Variants in ITFG2 observed in about 807,000 individuals in gnomAD.
The protein encoded by ITFG2 is integrin alpha FG-GAP repeat containing 2.
In ITFG2, 36 loss-of-function variants were observed where a neutral mutation model predicts 54.4. The ratio of observed to expected loss-of-function variants is 0.66; its 90% confidence interval spans 0.51 to 0.87. The LOEUF (loss-of-function observed/expected upper bound fraction) is 0.87, where lower values mean the gene tolerates loss of function less well. ITFG2 is among the 40% of genes least tolerant of loss of function. The pLI, the probability that ITFG2 is intolerant of heterozygous loss-of-function variation, is 0.00. For missense variants in ITFG2, 524 were observed against 576.7 expected, an observed-to-expected ratio of 0.91 and a Z score of 0.94; for synonymous variants, 211 against 225.4, an observed-to-expected ratio of 0.94 and a Z score of 0.57.
chr12:2,827,251 A>C (rs775679347), downstream of ITFG2: 34 of 1,614,016 alleles, frequency 2.1e-5, no homozygotes, highest in Non-Finnish European at 2.9e-5. This position sits in a 1 kb window ranked among gnomAD's most constrained non-coding sequence, Gnocchi z 4.0. Context: ...GGTAGCTCTG[A>C]GAACGGGGCT....
chr12:2,821,895 C>A, intron 9 of ITFG2, 103 bp downstream of exon 9: 2 of 824,826 alleles, frequency 2.4e-6, no homozygotes, highest in Middle Eastern at 2.7e-4. Flanking sequence ...GAACTCCCAA[C>A]CTTTATCTTT....
intron 2 of ITFG2, chr12:2,830,727 G>A: frequency 6.2e-7 from 1 of 1,612,912 alleles, no homozygotes; most frequent in Non-Finnish European, 8.5e-7. Flanking sequence ...GACCAGAAGA[G>A]CTGGAATCTC....
intron 1 of ITFG2, among the ~76,000 whole-genome samples, chr12:2,816,534 T>G (rs2097922187): frequency 6.6e-6 from 1 of 151,998 alleles, no homozygotes. Flanking sequence ...TTTCACTGTG[T>G]TAGCTAGGAT....
chr12:2,829,892 ACCT>A (rs1348390446), downstream of ITFG2, among the ~76,000 whole-genome samples: 6 of 152,204 alleles, frequency 3.9e-5, no homozygotes, highest in East Asian at 9.7e-4. Flanking sequence ...AGCCTGACCA[ACCT>A]GGAGAAACCC....
At chr12:2,854,921 T>C (rs975434649) in intron 2 of ITFG2, 1 of 1,535,396 alleles carries the variant, frequency 6.5e-7, no homozygotes, top group African/African-American at 1.4e-5. Context: ...GGCGGCTGGA[T>C]GTTGCCCTGG....
rs1242444391 is a variant in ITFG2 at position 2,821,602 on chromosome 12, C to T, written c.847+6C>T. On this transcript the variant is annotated splice_donor_region_variant and intron_variant, in intron 8 of 11. Transcript: ENST00000228799. ...TGCCCTGTGCACCCTGGATGGTGAG[C>T]AATGCTAGGATGGGGTGTGGGGGCT... The T allele has an allele frequency of 6.2e-7, 1 of 1,614,126 alleles. No homozygotes were observed. The highest frequency in any genetic ancestry group is 8.5e-7 in the Non-Finnish European group (1 of 1,180,004).
At chr12:2,855,746 G>A (rs562331164) in intron 2 of ITFG2, among the ~76,000 whole-genome samples, 2 of 152,096 alleles carry the variant, frequency 1.3e-5, no homozygotes, top group East Asian at 1.9e-4. Flanking sequence ...TCCCTCCTCC[G>A]TTCTGGCATC....
chr12:2,834,479 G>A (rs900043319), upstream of ITFG2, among the ~76,000 whole-genome samples: 3 of 152,168 alleles, frequency 2.0e-5, no homozygotes, highest in African/African-American at 4.8e-5. Flanking sequence ...GAACATCCCC[G>A]GTGAAGAGCC....
intron 1 of ITFG2, 47 bp downstream of exon 1, chr12:2,812,903 C>A (rs765390762): frequency 1.3e-6 from 2 of 1,524,796 alleles, no homozygotes; most frequent in South Asian, 1.1e-5. Flanking sequence ...TGTGCAGGGA[C>A]GGGGCAAGGG....
At chr12:2,813,130 G>C (rs1029163265) in intron 1 of ITFG2, among the ~76,000 whole-genome samples, 1 of 152,138 alleles carries the variant, frequency 6.6e-6, no homozygotes, top group African/African-American at 2.4e-5. Context: ...TCTGCCTCCC[G>C]GGCTCGAGCG....
At position 2,818,241 on chromosome 12, in the gene ITFG2, C is replaced by A. The variant is rs1384301016; in HGVS notation, c.370C>A (p.Pro124Thr). 3 of 1,613,670 alleles carry A rather than the reference C, an allele frequency of 1.9e-6. No individual in the cohort carries two copies. In the Admixed American group the frequency reaches 5.0e-5, roughly 27 times the overall value. ...GCGTCCAGTCTTCAAGCAGCACATC[C>A]CTGCCAACACCAAGGTCATGCTGAT... ...EQRPVFKQHI[P>T]ANTKVMLISD... Residue 124 changes from proline to threonine, a missense_variant, in exon 4 of 12, where the codon CCT becomes ACT. Physicochemically the swap from Pro to Thr is conservative, Grantham distance 38. Transcript: ENST00000228799.
At chr12:2,829,670 G>T (rs1223579788), downstream of ITFG2, among the ~76,000 whole-genome samples, 1 of 152,152 alleles carries the variant, frequency 6.6e-6, no homozygotes, top group Non-Finnish European at 1.5e-5. Flanking sequence ...AGAAGACTGA[G>T]GTGGGAGGAT....
chr12:2,833,401 C>T (rs1408934103), upstream of ITFG2, among the ~76,000 whole-genome samples: 3 of 152,146 alleles, frequency 2.0e-5, no homozygotes, highest in Non-Finnish European at 4.4e-5. Context: ...TCCCTTTTCT[C>T]GTTGGGAGCT....
downstream of ITFG2, among the ~76,000 whole-genome samples, chr12:2,831,343 G>A (rs1364066046): frequency 3.3e-5 from 5 of 152,134 alleles, no homozygotes; most frequent in East Asian, 9.7e-4. Flanking sequence ...CAGCACTTTG[G>A]GAGGCCGAGG....
At chr12:2,815,648 G>A (rs902821262) in intron 1 of ITFG2, among the ~76,000 whole-genome samples, 1 of 152,186 alleles carries the variant, frequency 6.6e-6, no homozygotes, top group South Asian at 2.1e-4. Flanking sequence ...CACCATCTTG[G>A]GCTGTTTTCA....
chr12:2,821,200 A>G, intron 6 of ITFG2, 62 bp from the exon 7 acceptor site: 2 of 1,328,982 alleles, frequency 1.5e-6, no homozygotes, highest in Non-Finnish European at 1.1e-6. Flanking sequence ...TAGGGGTTAC[A>G]AAGGGCTGGA....
chr12:2,837,427 G>A (rs2098031135), intron 1 of ITFG2, among the ~76,000 whole-genome samples: 3 of 151,654 alleles, frequency 2.0e-5, no homozygotes, highest in Admixed American at 6.6e-5. Context: ...GCAGTGAGCC[G>A]AGATCACGCC....
intron 3 of ITFG2, chr12:2,859,341 A>G (rs1404404320): frequency 8.7e-6 from 14 of 1,613,504 alleles, no homozygotes; most frequent in Non-Finnish European, 1.1e-5. Context: ...AATCACAAGC[A>G]TTTCCGAGAC....
At chr12:2,831,310 G>A (rs1211292746), downstream of ITFG2, among the ~76,000 whole-genome samples, 2 of 151,888 alleles carry the variant, frequency 1.3e-5, no homozygotes, top group Non-Finnish European at 2.9e-5. Context: ...TAGGCCAGGC[G>A]TGGTGGCTCA....
Sources: allele counts gnomAD v4.1 joint callset (sites outside exome capture counted in the v4.1 genomes callset), GRCh38; gene constraint gnomAD v4.1.1; non-coding constraint Gnocchi (gnomAD v3.1); transcripts MANE v1.5; gene names NCBI Gene and HGNC (gene_info 2026-07-23, HGNC 2026-07-21).